The following IL19 variants were observed in gnomAD, a reference collection of about 807,000 sequenced individuals.
The protein encoded by IL19 is interleukin 19.
In IL19, 15 loss-of-function variants were observed where a neutral mutation model predicts 19.5. That is an observed-to-expected ratio of 0.77 (90% CI 0.52 to 1.19). The LOEUF is 1.19. Among genes scored for constraint, IL19 ranks in the 50% most tolerant of loss-of-function variants. The pLI, the probability that IL19 is intolerant of heterozygous loss-of-function variation, is 0.00. For missense variants in IL19, 199 were observed against 213.1 expected (o/e 0.93, Z 0.41); for synonymous variants, 78 against 78.3 (o/e 1.00, Z 0.02).
At chr1:206,775,762 A>C (rs1674977322) in intron 1 of IL19, among the ~76,000 whole-genome samples, 1 of 152,180 alleles carries the variant, frequency 6.6e-6, no homozygotes, top group Admixed American at 6.5e-5. Context: ...GAATGCCAAC[A>C]CTCACATGTG....
intron 2 of IL19, among the ~76,000 whole-genome samples, chr1:206,809,079 T>A (rs183050406): frequency 6.6e-6 from 1 of 152,160 alleles, no homozygotes; most frequent in Non-Finnish European, 1.5e-5. Flanking sequence ...TCTTTGTATA[T>A]GTTGATCATG....
At chr1:206,808,374 G>A (rs12407485) in intron 2 of IL19, among the ~76,000 whole-genome samples, 41,681 of 152,048 alleles carry the variant, frequency 0.27, 5,875 homozygotes, top group Non-Finnish European at 0.29. Flanking sequence ...CCAAACAAAA[G>A]ATATTGACTG....
intron 4 of IL19, among the ~76,000 whole-genome samples, chr1:206,838,957 G>T (rs546023678): frequency 3.0e-4 from 46 of 152,264 alleles, no homozygotes; most frequent in Non-Finnish European, 1.5e-5. Flanking sequence ...TTTTTGTGTT[G>T]CCATCTAGGA....
intron 2 of IL19, among the ~76,000 whole-genome samples, chr1:206,814,540 A>C (rs1046505076): frequency 6.7e-6 from 1 of 149,978 alleles, no homozygotes; most frequent in African/African-American, 2.5e-5. Flanking sequence ...AAAACACACA[A>C]AAAATTAACC....
At chr1:206,814,177 C>T (rs1312760494) in intron 2 of IL19, among the ~76,000 whole-genome samples, 3 of 151,988 alleles carry the variant, frequency 2.0e-5, no homozygotes, top group African/African-American at 7.3e-5. Context: ...CTAACTGATT[C>T]AAGCAATGCA....
chr1:206,820,977 C>T (rs539625540), intron 2 of IL19, among the ~76,000 whole-genome samples: 2 of 152,354 alleles, frequency 1.3e-5, no homozygotes, highest in East Asian at 3.9e-4. Flanking sequence ...CTGATATCCC[C>T]TGCCCCCACA....
At chr1:206,774,123 C>T (rs1362582654) in intron 1 of IL19, among the ~76,000 whole-genome samples, 1 of 152,196 alleles carries the variant, frequency 6.6e-6, no homozygotes, top group Non-Finnish European at 1.5e-5. Context: ...CACCTTGGGG[C>T]CCAGCCAGCG....
At chr1:206,776,248 T>C (rs1439648493) in intron 1 of IL19, among the ~76,000 whole-genome samples, 3 of 152,172 alleles carry the variant, frequency 2.0e-5, no homozygotes, top group Non-Finnish European at 4.4e-5. Context: ...ACCCGTTTTT[T>C]CTGCATTCTT....
At chr1:206,817,078 G>GA (rs567019858) in intron 2 of IL19, among the ~76,000 whole-genome samples, 70 of 151,386 alleles carry the variant, frequency 4.6e-4, no homozygotes, top group African/African-American at 1.6e-3. Flanking sequence ...CTGATATCAA[G>GA]AAAAAAAAAC....
intron 1 of IL19, among the ~76,000 whole-genome samples, chr1:206,797,352 C>A (rs1188425919): frequency 6.6e-6 from 1 of 152,076 alleles, no homozygotes; most frequent in Non-Finnish European, 1.5e-5. Flanking sequence ...GTCGTACATC[C>A]TCCTAAGCAG....
chr1:206,804,698 G>T (rs946398952), intron 2 of IL19, among the ~76,000 whole-genome samples: 2 of 152,188 alleles, frequency 1.3e-5, no homozygotes, highest in African/African-American at 2.4e-5. Context: ...AGAGAGCAAG[G>T]CTTCAAGGAA....
chr1:206,795,053 T>C (rs960799823), intron 1 of IL19, among the ~76,000 whole-genome samples: 7 of 152,188 alleles, frequency 4.6e-5, no homozygotes, highest in African/African-American at 1.4e-4. Context: ...GCTGTTATGC[T>C]CTGGCCCAGG....
At chr1:206,809,943 CT>C (rs1675956891) in intron 2 of IL19, among the ~76,000 whole-genome samples, 1 of 152,294 alleles carries the variant, frequency 6.6e-6, no homozygotes, top group East Asian at 1.9e-4. Context: ...CTTATAACAA[CT>C]TCACTTGGGG....
chr1:206,840,264 T>C lies in IL19; in HGVS notation c.363+262T>C, dbSNP rs1369426711. 4.8e-6 allele frequency: 3 copies of C among 621,494 alleles called. No individual in the cohort carries two copies. The African/African-American group carries it at 5.4e-5, about 11-fold the overall frequency. The allele number at this position is 621,494 out of a possible 1,614,324, so 38.5% of individuals were successfully genotyped here. ...CAACTTATGTCAACATATTCCTTAG[T>C]AAGAGGCATGGCAAGGACTCCAGTT... is the stretch of plus-strand genomic sequence containing the variant. On this transcript the variant is annotated intron_variant, in intron 5 of 6. Coordinates refer to ENST00000659997, the MANE Select transcript of IL19 (RefSeq NM_153758.5).
intron 1 of IL19, among the ~76,000 whole-genome samples, chr1:206,772,655 G>A (rs942682713): frequency 2.0e-5 from 3 of 152,018 alleles, no homozygotes; most frequent in Non-Finnish European, 4.4e-5. Context: ...TTTTTGCATC[G>A]TAAGCAAAAA....
At chr1:206,785,361 G>A (rs1675244734) in intron 1 of IL19, among the ~76,000 whole-genome samples, 1 of 152,224 alleles carries the variant, frequency 6.6e-6, no homozygotes, top group African/African-American at 2.4e-5. Context: ...AACCGTGCTT[G>A]TGAGAAATCC....
intron 2 of IL19, among the ~76,000 whole-genome samples, chr1:206,809,619 C>T (rs1675948370): frequency 6.6e-6 from 1 of 152,238 alleles, no homozygotes; most frequent in Admixed American, 6.5e-5. Flanking sequence ...AAAGGTGAAT[C>T]TGCCCTCTTG....
intron 1 of IL19, among the ~76,000 whole-genome samples, chr1:206,789,868 G>A (rs923259872): frequency 6.6e-6 from 1 of 152,094 alleles, no homozygotes; most frequent in African/African-American, 2.4e-5. Context: ...AAGGATAATG[G>A]CCTTCAGCTC....
intron 1 of IL19, among the ~76,000 whole-genome samples, chr1:206,797,745 C>T (rs1280651738): frequency 6.6e-6 from 1 of 152,122 alleles, no homozygotes; most frequent in East Asian, 1.9e-4. Flanking sequence ...GACTATGTCC[C>T]CACAGGGATC....
Sources: gnomAD v4.1 joint callset for allele counts (sites outside exome capture counted in the v4.1 genomes callset) on GRCh38, gnomAD v4.1.1 for gene constraint, MANE v1.5 for transcripts, NCBI Gene and HGNC (gene_info 2026-07-23, HGNC 2026-07-21) for gene names.